APLN: variants seen among roughly 807,000 people sequenced by gnomAD.
APLN encodes the protein AGTRL1 ligand.
In APLN, 2 loss-of-function variants were observed where a neutral mutation model predicts 4.3. That is an observed-to-expected ratio of 0.46 (90% CI 0.19 to 1.45). APLN has a LOEUF of 1.45. Ranked by LOEUF, APLN falls within the 40% of genes most tolerant of loss-of-function variation. The probability of loss-of-function intolerance (pLI) is 0.25; values close to 1 mark genes in which losing one functional copy is unlikely to be tolerated. For missense variants in APLN, 80 were observed against 70.0 expected, an observed-to-expected ratio of 1.14 and a Z score of -0.51; for synonymous variants, 34 against 30.4, an observed-to-expected ratio of 1.12 and a Z score of -0.38.
intron 1 of APLN, among the ~76,000 whole-genome samples, chrX:129,652,047 G>T (rs1031035374): frequency 8.9e-6 from 1 of 111,770 alleles, no homozygotes; most frequent in Non-Finnish European, 1.9e-5. Flanking sequence ...TTACACGGGT[G>T]CTTAGTGCTG....
Position 129,654,637 on chromosome X carries a change from C to T in APLN, c.-7G>A. The T allele has an allele frequency of 1.8e-6, 2 of 1,110,874 alleles. No individual in the cohort carries two copies. Among genetic ancestry groups the T allele is most frequent in the South Asian group, 2.2e-5 (1 of 45,949 alleles). The allele number at this position is 1,110,874 out of a possible 1,213,427, so 91.5% of individuals were successfully genotyped here. A position where few individuals can be genotyped will look rare whatever the true frequency, so the allele number is the denominator to read the frequency against. ...CGCAGAGCCGCAGATTCATGCTGCT[C>T]CTTGGGCCGCCGCGGCCCCGGCGAG... On this transcript the variant is annotated 5_prime_UTR_variant, in exon 1 of 3. Coordinates refer to ENST00000429967, the MANE Select transcript of APLN (RefSeq NM_017413.5).
rs1201132169 is a variant in APLN at position 129,654,740 on chromosome X, G to C, written c.-110C>G. On this transcript the variant is annotated 5_prime_UTR_variant, in exon 1 of 3. Coordinates refer to ENST00000429967, the MANE Select transcript of APLN (RefSeq NM_017413.5). ...CGCGGCTGGCGCGTGCGGGCGCAGA[G>C]CTCGGGAGGCTCCCCGGCCGCTGAG... 2.1e-5 allele frequency: 10 copies of C among 471,350 alleles called. No individual in the cohort carries two copies. The highest frequency in any genetic ancestry group is 1.5e-4 in the African/African-American group (6 of 38,736). The allele number at this position is 471,350 out of a possible 1,213,427, so 38.8% of individuals were successfully genotyped here.
At chrX:129,650,910 T>A (rs891574991) in intron 1 of APLN, among the ~76,000 whole-genome samples, 4 of 111,957 alleles carry the variant, frequency 3.6e-5, no homozygotes, top group Admixed American at 2.8e-4. Flanking sequence ...CCTTGTGAAG[T>A]GAACCAAGTC....
chrX:129,648,828 T>A, intron 1 of APLN, 36 bp from the exon 2 acceptor site: 3 of 1,130,362 alleles, frequency 2.7e-6, no homozygotes, highest in Non-Finnish European at 3.5e-6. Context: ...TGAGGAAGGT[T>A]GTTGGAAACG....
rs1354490221 is a variant in APLN at position 129,647,665 on chromosome X, G to A, written c.*258C>T. ...GAAGAAGGGAGGCTTTCTGGGGCTA[G>A]GTCTCCAAAGTCAGTCCAGGGAGGG... is the stretch of plus-strand genomic sequence containing the variant. On this transcript the variant is annotated 3_prime_UTR_variant, in exon 3 of 3. Transcript: ENST00000429967. The A allele has an allele frequency of 2.0e-6, 2 of 982,907 alleles. No individual in the cohort carries two copies. The highest frequency in any genetic ancestry group is 2.6e-6 in the Non-Finnish European group (2 of 756,020). 81.0% of individuals were successfully genotyped at this position (982,907 alleles called of 1,213,427 possible). A position where few individuals can be genotyped will look rare whatever the true frequency, so the allele number is the denominator to read the frequency against.
At chrX:129,651,639 C>A (rs1298882795) in intron 1 of APLN, among the ~76,000 whole-genome samples, 1 of 112,231 alleles carries the variant, frequency 8.9e-6, no homozygotes, top group African/African-American at 3.2e-5. Context: ...CATCTCCACG[C>A]TGAGAACCAC....
At position 129,648,797 on chromosome X, in the gene APLN, A is replaced by G; in HGVS notation, c.68-5T>C. 8.6e-7 allele frequency: 1 copy of G among 1,157,557 alleles called. No individual in the cohort carries two copies. On this transcript the variant is annotated splice_region_variant and splice_polypyrimidine_tract_variant and intron_variant, in intron 1 of 2. Transcript: ENST00000429967. ...CGGGAAGCGGCATCAGGGACCCTGC[A>G]GGAAGGAGAAAGCCTGTTAGTGAGG...
At chrX:129,649,716 G>A (rs1288701851) in intron 1 of APLN, among the ~76,000 whole-genome samples, 2 of 111,440 alleles carry the variant, frequency 1.8e-5, no homozygotes, top group Non-Finnish European at 3.8e-5. Flanking sequence ...TGTGTCTCAT[G>A]TAAATTCCTT....
chrX:129,652,298 G>A (rs1382543893), intron 1 of APLN, among the ~76,000 whole-genome samples: 2 of 111,688 alleles, frequency 1.8e-5, no homozygotes, highest in Non-Finnish European at 3.8e-5. Flanking sequence ...GGTGGTAGCG[G>A]GGTGATGAGA....
chrX:129,653,317 A>G (rs752845560), intron 1 of APLN, among the ~76,000 whole-genome samples: 130 of 112,794 alleles, frequency 1.2e-3, no homozygotes, highest in African/African-American at 4.0e-3. Flanking sequence ...AGGCAGGCAG[A>G]GCTGGCTGGG....
Position 129,647,677 on chromosome X carries a change from C to G in APLN, c.*246G>C. 1 of 982,996 alleles carries G rather than the reference C, an allele frequency of 1.0e-6. No individual in the cohort carries two copies. The highest frequency in any genetic ancestry group is 1.3e-6 in the Non-Finnish European group (1 of 756,133). The allele number at this position is 982,996 out of a possible 1,213,427, so 81.0% of individuals were successfully genotyped here. A position where few individuals can be genotyped will look rare whatever the true frequency, so the allele number is the denominator to read the frequency against. On this transcript the variant is annotated 3_prime_UTR_variant, in exon 3 of 3. Transcript: ENST00000429967. ...CTTTCTGGGGCTAGGTCTCCAAAGT[C>G]AGTCCAGGGAGGGGCCAGGAAGATG...
Position 129,647,763 on chromosome X carries a change from C to T in APLN, c.*160G>A. 1.0e-6 allele frequency: 1 copy of T among 982,904 alleles called. No homozygotes were observed. The allele number at this position is 982,904 out of a possible 1,213,427, so 81.0% of individuals were successfully genotyped here. A position where few individuals can be genotyped will look rare whatever the true frequency, so the allele number is the denominator to read the frequency against. ...CCAAACTACAGCCAGGAGCACGCCA[C>T]TGGGGGAAGCAGGCAGGTGAGAAGA... On this transcript the variant is annotated 3_prime_UTR_variant, in exon 3 of 3. Coordinates refer to ENST00000429967, the MANE Select transcript of APLN (RefSeq NM_017413.5).
chrX:129,648,865 C>T (rs183967501), intron 1 of APLN, 73 bp from the exon 2 acceptor site: 11 of 944,842 alleles, frequency 1.2e-5, no homozygotes, highest in East Asian at 6.9e-5. Context: ...CACAGGCCCG[C>T]GGGAGGGGTG....
intron 1 of APLN, among the ~76,000 whole-genome samples, chrX:129,653,734 C>G (rs770177960): frequency 3.1e-4 from 35 of 112,368 alleles, no homozygotes; most frequent in Non-Finnish European, 6.0e-4. Flanking sequence ...AGGGAGGGGT[C>G]GGGTCAGGTG....
chrX:129,650,121 T>C (rs2235306), intron 1 of APLN, among the ~76,000 whole-genome samples: 13,607 of 110,256 alleles, frequency 0.12, 1,347 homozygotes, highest in East Asian at 0.46. Flanking sequence ...ACCATCTGAT[T>C]TGCCTGCATC....
rs1267528566 is a variant in APLN at position 129,646,368 on chromosome X, G to A, written c.*1555C>T. 8.9e-6 allele frequency: 1 copy of A among 112,644 alleles called. No individual in the cohort carries two copies. The highest frequency in any genetic ancestry group is 1.9e-5 in the Non-Finnish European group (1 of 53,212). The allele number at this position is 112,644 out of a possible 1,213,427, so 9.3% of individuals were successfully genotyped here. A position where few individuals can be genotyped will look rare whatever the true frequency, so the allele number is the denominator to read the frequency against. ...CTCTTGTCTTCTCTTTCTCCCTCCT[G>A]GGAACCCTGCTCAAGCAAAAGGGGA... On this transcript the variant is annotated 3_prime_UTR_variant, in exon 3 of 3. Coordinates refer to ENST00000429967, the MANE Select transcript of APLN (RefSeq NM_017413.5).
Position 129,654,607 on chromosome X carries a change from C to T in APLN, c.24G>A (p.Gln8=). Residue 8 remains glutamine (Q), a synonymous_variant, in exon 1 of 3, where the codon CAG becomes CAA. Transcript: ENST00000429967. ...AGGAGAGCCAGAGCAGCAGGAGCGC[C>T]TGCACGCAGAGCCGCAGATTCATGC... The part of the protein sequence containing the change: MNLRLCV[Q]ALLLLWLSLT... 3 of 1,153,423 alleles carry T rather than the reference C, an allele frequency of 2.6e-6. No individual in the cohort carries two copies. Among genetic ancestry groups the T allele is most frequent in the Non-Finnish European group, 3.5e-6 (3 of 868,813 alleles).
At position 129,648,522 on chromosome X, in the gene APLN, G is replaced by A. The variant is rs753977828; in HGVS notation, c.*5+99C>T. 413 of 990,434 alleles carry A rather than the reference G, an allele frequency of 4.2e-4. 1 individual carries two copies. The African/African-American group carries it at 7.0e-3, about 17-fold the overall frequency. The allele number at this position is 990,434 out of a possible 1,213,427, so 81.6% of individuals were successfully genotyped here. On this transcript the variant is annotated intron_variant, in intron 2 of 2. Transcript: ENST00000429967. ...GAGTGTGGCGCCAGGACTGTTTGAT[G>A]GATGTGTCTGGCCAGTGATGAGCGG...
In APLN at chrX:129,646,289, G is replaced by T; in HGVS notation, c.*1634C>A. 8.7e-6 allele frequency: 1 copy of T among 115,059 alleles called. No individual in the cohort carries two copies. The highest frequency in any genetic ancestry group is 3.0e-4 in the South Asian group (1 of 3,382). 9.5% of individuals were successfully genotyped at this position (115,059 alleles called of 1,213,427 possible). A position where few individuals can be genotyped will look rare whatever the true frequency, so the allele number is the denominator to read the frequency against. ...TAGGCAAACATTGGGGCTATTGTGG[G>T]ACTTGGGGGGCCCTGACTCCCCCGT... On this transcript the variant is annotated 3_prime_UTR_variant, in exon 3 of 3. Coordinates refer to ENST00000429967, the MANE Select transcript of APLN (RefSeq NM_017413.5).
Sources: gnomAD v4.1 joint callset for allele counts (sites outside exome capture counted in the v4.1 genomes callset) on GRCh38, gnomAD v4.1.1 for gene constraint, MANE v1.5 for transcripts, NCBI Gene and HGNC (gene_info 2026-07-23, HGNC 2026-07-21) for gene names.